Variants in PLCG1 observed in about 807,000 individuals in gnomAD.
The protein encoded by PLCG1 is phospholipase C gamma 1, also known as 1-phosphatidylinositol 4,5-bisphosphate phosphodiesterase gamma-1.
PLCG1 carries 71 observed loss-of-function variants against 177.8 expected under a neutral mutation model. The ratio of observed to expected loss-of-function variants is 0.40; its 90% CI spans 0.33 to 0.49. The LOEUF (loss-of-function observed/expected upper bound fraction) is 0.49, where lower values mean the gene tolerates loss of function less well. Ranked by LOEUF, PLCG1 falls within the 20% of genes least tolerant of loss-of-function variation. PLCG1 has a pLI of 0.72. For missense variants in PLCG1, 1,281 were observed against 1,709.0 expected (o/e 0.75, Z 4.42); for synonymous variants, 658 against 647.9 (o/e 1.02, Z -0.24).
At chr20:41,155,589 C>G (rs937164912) in intron 1 of PLCG1, among the ~76,000 whole-genome samples, 1 of 152,194 alleles carries the variant, frequency 6.6e-6, no homozygotes, top group African/African-American at 2.4e-5. Context: ...GCCCCCATCC[C>G]TGCCAGGCTT....
chr20:41,169,354 C>A, intron 22 of PLCG1, 103 bp from the exon 23 acceptor site: 1 of 1,040,232 alleles, frequency 9.6e-7, no homozygotes, highest in South Asian at 1.3e-5. Flanking sequence ...ATTTGGCAGT[C>A]ACAGGTACAC....
chr20:41,169,994 T>C, intron 23 of PLCG1, 118 bp from the exon 24 acceptor site: 1 of 885,804 alleles, frequency 1.1e-6, no homozygotes, highest in South Asian at 1.6e-5. Context: ...CCTCATGGGG[T>C]GTGGGAAGGA....
In PLCG1 at chr20:41,165,259, T is replaced by A; in HGVS notation, c.1401T>A (p.Ala467=). The change falls in exon 14 of 32, where the codon GCT becomes GCA. Residue 467 remains alanine (A), a synonymous_variant. Coordinates refer to ENST00000685551, the MANE Select transcript of PLCG1 (RefSeq NM_002660.3). The surrounding 1 kb of genome is among the most constrained non-coding windows in gnomAD (Gnocchi z 6.6). ...RKILIKHKKL[A]EGSAYEEVPT... ...TGCCCCTACAGCACAAGAAGCTGGCTGAGGGCAGTGCCTACGAGGAGGTGC... is the reference window on the plus strand; with the variant it reads ...TGCCCCTACAGCACAAGAAGCTGGCAGAGGGCAGTGCCTACGAGGAGGTGC... 2.5e-6 allele frequency: 4 copies of A among 1,614,110 alleles called. No homozygotes were observed. The East Asian group carries it at 8.9e-5, about 36-fold the overall frequency.
rs1172691121 is a variant in PLCG1, at chr20:41,164,506, A to C, written c.1217+305A>C. 6.6e-6 allele frequency among the ~76,000 whole-genome samples: 1 copy of C among 151,748 alleles called. No individual in the cohort carries two copies. Among genetic ancestry groups the C allele is most frequent in the East Asian group, 1.9e-4 (1 of 5,172 alleles). On this transcript the variant is annotated intron_variant, in intron 12 of 31. Coordinates refer to ENST00000685551, the MANE Select transcript of PLCG1 (RefSeq NM_002660.3). The surrounding 1 kb of genome is among the most constrained non-coding windows in gnomAD (Gnocchi z 6.4). The stretch of plus-strand genomic sequence containing the variant: ...GTTTCTTTAGGCCAGTGTCCTGCCA[A>C]CTCCTTTGCCCTCACAGCCCAGAAG...
chr20:41,170,980 C>G (rs1185464279), intron 24 of PLCG1: 1 of 152,538 alleles, frequency 6.6e-6, no homozygotes, highest in African/African-American at 2.4e-5. Context: ...AAGGAGCGAG[C>G]AGCGTGTGGG....
rs1039198303 is a variant in PLCG1 at position 41,148,494 on chromosome 20, A to T, written c.217+10636A>T. ...GCTCTGCAGAGACAGGGCAGCAGAG[A>T]GAGACTTGGAGATATGCTGGGCTGT... On this transcript the variant is annotated intron_variant, in intron 1 of 31. Coordinates refer to ENST00000685551, the MANE Select transcript of PLCG1 (RefSeq NM_002660.3). The surrounding 1 kb of genome is among the most constrained non-coding windows in gnomAD (Gnocchi z 4.3). 1.3e-5 allele frequency among the ~76,000 whole-genome samples: 2 copies of T among 151,980 alleles called. No individual in the cohort carries two copies. Among genetic ancestry groups the T allele is most frequent in the African/African-American group, 4.8e-5 (2 of 41,356 alleles).
chr20:41,137,572 C>T lies in PLCG1; in HGVS notation c.-70C>T, dbSNP rs1041889545. The T allele has an allele frequency of 5.1e-6, 5 of 978,658 alleles. No individual in the cohort carries two copies. Among genetic ancestry groups the T allele is most frequent in the African/African-American group, 1.7e-5 (1 of 58,432 alleles). 60.6% of individuals were successfully genotyped at this position (978,658 alleles called of 1,614,324 possible). On this transcript the variant is annotated 5_prime_UTR_variant, in exon 1 of 32. Transcript: ENST00000685551. The surrounding 1 kb of genome is among the most constrained non-coding windows in gnomAD (Gnocchi z 7.3). ...GCCGCCTCAGCCTCAGCCCCAACCT[C>T]AGCCGCCGCCGTTGCGCTTGCTCCC...
rs1253635918 is a variant in PLCG1, at chr20:41,153,785, A to G, written c.218-5821A>G. ...GTGGTGTGCATCTGTAATCCCAGCTACTTGGGAGACTGAGGTATGAGAATC... is the reference window on the plus strand; with the variant it reads ...GTGGTGTGCATCTGTAATCCCAGCTGCTTGGGAGACTGAGGTATGAGAATC... On this transcript the variant is annotated intron_variant, in intron 1 of 31. Coordinates refer to ENST00000685551, the MANE Select transcript of PLCG1 (RefSeq NM_002660.3). The surrounding 1 kb of genome is among the most constrained non-coding windows in gnomAD (Gnocchi z 5.1). 6.6e-6 allele frequency among the ~76,000 whole-genome samples: 1 copy of G among 152,216 alleles called. No homozygotes were observed. Among genetic ancestry groups the G allele is most frequent in the East Asian group, 1.9e-4 (1 of 5,202 alleles).
At chr20:41,142,817 T>A (rs547032857) in intron 1 of PLCG1, among the ~76,000 whole-genome samples, 1 of 152,260 alleles carries the variant, frequency 6.6e-6, no homozygotes, top group East Asian at 1.9e-4. Context: ...CTGTATAAAG[T>A]GCTTAGCATG....
rs2035460317 is a variant in PLCG1 at position 41,160,461 on chromosome 20, C to G, written c.512+308C>G. Among the ~76,000 whole-genome samples the G allele has an allele frequency of 6.6e-6, 1 of 152,174 alleles. No individual in the cohort carries two copies. Among genetic ancestry groups the G allele is most frequent in the Non-Finnish European group, 1.5e-5 (1 of 68,030 alleles). On this transcript the variant is annotated intron_variant, in intron 4 of 31. Coordinates refer to ENST00000685551, the MANE Select transcript of PLCG1 (RefSeq NM_002660.3). The surrounding 1 kb of genome is among the most constrained non-coding windows in gnomAD (Gnocchi z 5.5). The stretch of plus-strand genomic sequence containing the variant: ...TGGCCAGTAGCGTGTGAAGGGTGCC[C>G]TGAAACTCTGGCTCTGAGACCTGGT...
chr20:41,166,615 G>A lies in PLCG1; in HGVS notation c.2120+20G>A. The A allele has an allele frequency of 6.2e-7, 1 of 1,614,164 alleles. No individual in the cohort carries two copies. The highest frequency in any genetic ancestry group is 8.5e-7 in the Non-Finnish European group (1 of 1,180,018). On this transcript the variant is annotated intron_variant, in intron 18 of 31. Coordinates refer to ENST00000685551, the MANE Select transcript of PLCG1 (RefSeq NM_002660.3). This position sits in a 1 kb window ranked among gnomAD's most constrained non-coding sequence, Gnocchi z 8.6. ...TTTCCGGTGAGGGGTGTGGCACTGG[G>A]TTGTGGGGCCTTGCTTGGGTCTGAG... is the stretch of plus-strand genomic sequence containing the variant.
At chr20:41,169,645 A>G (rs932257067) in intron 23 of PLCG1, 119 bp downstream of exon 23, 13 of 775,808 alleles carry the variant, frequency 1.7e-5, no homozygotes, top group Non-Finnish European at 2.9e-5. Flanking sequence ...CCCTCACTCC[A>G]AGCTCTCCCC....
In PLCG1 at chr20:41,153,708, C is replaced by T. The variant is rs2035234188; in HGVS notation, c.218-5898C>T. Among the ~76,000 whole-genome samples the T allele has an allele frequency of 6.6e-6, 1 of 152,118 alleles. No individual in the cohort carries two copies. The highest frequency in any genetic ancestry group is 1.5e-5 in the Non-Finnish European group (1 of 68,020). On this transcript the variant is annotated intron_variant, in intron 1 of 31. Transcript: ENST00000685551. This position sits in a 1 kb window ranked among gnomAD's most constrained non-coding sequence, Gnocchi z 5.1. The stretch of plus-strand genomic sequence containing the variant: ...GGTCAGGAGTTTGAGAGCAGCTGGC[C>T]AACATGGTGAAACCCCGTCTCTACT...
chr20:41,161,393 G>C lies in PLCG1; in HGVS notation c.513-1059G>C, dbSNP rs527863249. On this transcript the variant is annotated intron_variant, in intron 4 of 31. Coordinates refer to ENST00000685551, the MANE Select transcript of PLCG1 (RefSeq NM_002660.3). ...GAGGGGAGCAAAGAAGAGGGCAGTA[G>C]CTGGAGAGCTAAGCAGGGGCAAGAC... 3.9e-5 allele frequency among the ~76,000 whole-genome samples: 6 copies of C among 152,322 alleles called. No individual in the cohort carries two copies. In the East Asian group the frequency reaches 7.7e-4, roughly 20 times the overall value.
In PLCG1 at chr20:41,162,799, A is replaced by AGCCCTGCT. The variant is rs553415121; in HGVS notation, c.681+83_681+90dup. ...CCCACACCCCAGCTCTGCCTGCCTC[A>AGCCCTGCT]GCCCTGCTGCCCTGCTTAGGGGCTT... On this transcript the variant is annotated intron_variant, in intron 6 of 31. Transcript: ENST00000685551. 1.4e-4 allele frequency: 194 copies of AGCCCTGCT among 1,420,066 alleles called. 4 individuals carry two copies. In the South Asian group the frequency reaches 2.1e-3, roughly 16 times the overall value. 88.0% of individuals were successfully genotyped at this position (1,420,066 alleles called of 1,614,324 possible).
At position 41,166,239 on chromosome 20, in the gene PLCG1, T is replaced by C. The variant is rs1250991674; in HGVS notation, c.1845T>C (p.Asp615=). Residue 615 remains aspartate (D), a synonymous_variant, in exon 17 of 32, where the codon GAT becomes GAC. Coordinates refer to ENST00000685551, the MANE Select transcript of PLCG1 (RefSeq NM_002660.3). The surrounding 1 kb of genome is among the most constrained non-coding windows in gnomAD (Gnocchi z 8.6). The part of the protein sequence containing the change: ...VQHCRIHSRQ[D]AGTPKFFLTD... Reference sequence around the variant, plus strand: ...ACTGCCGTATCCACTCCCGGCAAGATGCTGGGACCCCCAAGTTCTTCTTGA... The same window carrying C: ...ACTGCCGTATCCACTCCCGGCAAGACGCTGGGACCCCCAAGTTCTTCTTGA... The C allele has an allele frequency of 6.2e-7, 1 of 1,613,960 alleles. No homozygotes were observed. Among genetic ancestry groups the C allele is most frequent in the African/African-American group, 1.3e-5 (1 of 74,918 alleles).
At position 41,169,149 on chromosome 20, in the gene PLCG1, C is replaced by T. The variant is rs371221687; in HGVS notation, c.2554C>T (p.Pro852Ser). ...PSNYVEEMVN[P>S]VALEPEREHL... ...AAACTACGTGGAAGAGATGGTCAAC[C>T]CCGTGGCCCTGGAGCCGGAGAGGGA... Residue 852 changes from proline (P) to serine (S), a missense_variant, in exon 22 of 32, where the codon CCC becomes TCC. By Grantham distance (74) the Pro-to-Ser change is moderately conservative (BLOSUM62 -1). This residue lies in a region of PLCG1 where 723 missense variants were observed against 1,030.0 expected (regional missense o/e 0.70). Coordinates refer to ENST00000685551, the MANE Select transcript of PLCG1 (RefSeq NM_002660.3). The T allele has an allele frequency of 6.2e-7, 1 of 1,613,562 alleles. No homozygotes were observed. The highest frequency in any genetic ancestry group is 1.3e-5 in the African/African-American group (1 of 75,044).
At position 41,165,761 on chromosome 20, in the gene PLCG1, C is replaced by A. The variant is rs140004817; in HGVS notation, c.1734C>A (p.Ala578=). ...CTGAGTACTGCATCGAGACCGGAGC[C>A]CCTGACGGCTCCTTCCTCGTGCGAG... ...LLTEYCIETG[A]PDGSFLVRES... Residue 578 remains alanine (A), a synonymous_variant, in exon 16 of 32, where the codon GCC becomes GCA. Coordinates refer to ENST00000685551, the MANE Select transcript of PLCG1 (RefSeq NM_002660.3). This position sits in a 1 kb window ranked among gnomAD's most constrained non-coding sequence, Gnocchi z 6.6. The A allele has an allele frequency of 3.1e-6, 5 of 1,609,594 alleles. No homozygotes were observed. The African/African-American group carries it at 6.7e-5, about 22-fold the overall frequency.
Position 41,172,820 on chromosome 20 carries a change from C to T in PLCG1, c.3222C>T (p.Phe1074=), listed in dbSNP as rs1291340955. ...LQPSTMRDEA[F]DPFDKSSLRG... The stretch of plus-strand genomic sequence containing the variant: ...CAAGCACCATGCGGGATGAGGCCTT[C>T]GACCCCTTTGACAAGAGCAGCCTCC... Residue 1074 remains phenylalanine (F), a synonymous_variant, in exon 27 of 32, where the codon TTC becomes TTT. Transcript: ENST00000685551. The surrounding 1 kb of genome is among the most constrained non-coding windows in gnomAD (Gnocchi z 7.0). 1.2e-5 allele frequency: 19 copies of T among 1,614,060 alleles called. No homozygotes were observed. The highest frequency in any genetic ancestry group is 1.6e-5 in the Non-Finnish European group (19 of 1,180,040).
Sources: allele counts gnomAD v4.1 joint callset (sites outside exome capture counted in the v4.1 genomes callset), GRCh38; gene constraint gnomAD v4.1.1; regional missense constraint gnomAD v4.1.1; non-coding constraint Gnocchi (gnomAD v3.1); transcripts MANE v1.5; gene names NCBI Gene and HGNC (gene_info 2026-07-23, HGNC 2026-07-21).